The following KCNK2 variants were observed in gnomAD, a reference collection of about 807,000 sequenced individuals.
KCNK2 encodes potassium two pore domain channel subfamily K member 2, also known as potassium channel subfamily K member 2.
A neutral mutation model predicts 40.5 loss-of-function variants in KCNK2; 21 were observed. The ratio of observed to expected loss-of-function variants is 0.52; its 90% confidence interval spans 0.37 to 0.75. KCNK2 has a LOEUF of 0.75. KCNK2 is among the 30% of genes least tolerant of loss of function. KCNK2 has a pLI of 0.00. For missense variants in KCNK2, 399 were observed against 531.6 expected (o/e 0.75, Z 2.45); for synonymous variants, 191 against 202.2 (o/e 0.94, Z 0.47).
intron 6 of KCNK2, among the ~76,000 whole-genome samples, chr1:215,213,889 T>G (rs1250891340): frequency 6.6e-6 from 1 of 152,130 alleles, no homozygotes; most frequent in Non-Finnish European, 1.5e-5. Flanking sequence ...TTGGGTAATG[T>G]CAAAGCTCTA....
At chr1:215,161,772 C>A (rs983982721) in intron 3 of KCNK2, among the ~76,000 whole-genome samples, 1 of 152,118 alleles carries the variant, frequency 6.6e-6, no homozygotes, top group African/African-American at 2.4e-5. Context: ...TTTTTTATGG[C>A]TGCATAGTAT....
chr1:215,114,028 G>A (rs1411221769), intron 2 of KCNK2, among the ~76,000 whole-genome samples: 2 of 152,066 alleles, frequency 1.3e-5, no homozygotes, highest in Non-Finnish European at 2.9e-5. Flanking sequence ...ACTGCATGTT[G>A]CTTTTTTGTG....
In KCNK2 at chr1:215,177,740, A is replaced by ATTT. The variant is rs375712483; in HGVS notation, c.823+5567_823+5569dup. On this transcript the variant is annotated intron_variant, in intron 5 of 6. Transcript: ENST00000444842. The stretch of plus-strand genomic sequence containing the variant: ...TATATGTGTATATATATATATATAT[A>ATTT]TTTTTTTTTTTTGTAGCAGTACCAT... 2.8e-3 allele frequency among the ~76,000 whole-genome samples: 288 copies of ATTT among 101,570 alleles called. 1 individual carries two copies. Among genetic ancestry groups the ATTT allele is most frequent in the African/African-American group, 9.9e-3 (283 of 28,478 alleles). 66.6% of individuals were successfully genotyped at this position (101,570 alleles called of 152,430 possible). A position where few individuals can be genotyped will look rare whatever the true frequency, so the allele number is the denominator to read the frequency against.
At chr1:215,075,403 C>T (rs1370144425) in intron 1 of KCNK2, among the ~76,000 whole-genome samples, 2 of 151,940 alleles carry the variant, frequency 1.3e-5, no homozygotes, top group Non-Finnish European at 2.9e-5. Flanking sequence ...AATTTGAAAC[C>T]CACTCAGGAA....
At chr1:215,093,772 ATATATT>A (rs1254428487) in intron 2 of KCNK2, among the ~76,000 whole-genome samples, 7 of 29,338 alleles carry the variant, frequency 2.4e-4, no homozygotes, top group Non-Finnish European at 4.3e-4. Context: ...ATAATATAAA[ATATATT>A]ATATATTATA....
intron 3 of KCNK2, among the ~76,000 whole-genome samples, chr1:215,164,047 C>A (rs1474557946): frequency 6.6e-6 from 1 of 152,150 alleles, no homozygotes; most frequent in Admixed American, 6.6e-5. Flanking sequence ...TCTGTCTGGT[C>A]CTGGACTTTT....
intron 2 of KCNK2, among the ~76,000 whole-genome samples, chr1:215,117,663 A>G (rs1166727212): frequency 6.6e-6 from 1 of 152,138 alleles, no homozygotes; most frequent in Non-Finnish European, 1.5e-5. Flanking sequence ...TTAACTGAGA[A>G]CTGCTCATGG....
intron 1 of KCNK2, among the ~76,000 whole-genome samples, chr1:215,029,473 A>G (rs1044550430): frequency 7.7e-6 from 1 of 129,214 alleles, no homozygotes; most frequent in Non-Finnish European, 1.7e-5. Context: ...TTAGTGCTGA[A>G]TAATATTGTT....
At chr1:215,104,880 A>G (rs1209661646) in intron 2 of KCNK2, among the ~76,000 whole-genome samples, 3 of 151,996 alleles carry the variant, frequency 2.0e-5, no homozygotes, top group South Asian at 4.1e-4. Flanking sequence ...ATTGTGTTTC[A>G]TCTTACATAT....
intron 2 of KCNK2, among the ~76,000 whole-genome samples, chr1:215,103,831 C>G (rs1482067977): frequency 2.0e-5 from 3 of 151,994 alleles, no homozygotes; most frequent in African/African-American, 7.2e-5. Context: ...GATCCATAGA[C>G]AGCTTGTGTG....
intron 1 of KCNK2, among the ~76,000 whole-genome samples, chr1:215,045,022 A>G (rs928790188): frequency 3.9e-5 from 6 of 152,062 alleles, no homozygotes; most frequent in Non-Finnish European, 8.8e-5. Context: ...AAACAAAAAC[A>G]AAAACAAAAA....
chr1:215,077,825 T>G (rs1326362054), upstream of KCNK2, among the ~76,000 whole-genome samples: 3 of 152,158 alleles, frequency 2.0e-5, no homozygotes, highest in Non-Finnish European at 4.4e-5. Context: ...AATTTTTACA[T>G]CACTTCTTTA....
intron 1 of KCNK2, among the ~76,000 whole-genome samples, chr1:215,007,075 A>G (rs1656173399): frequency 7.7e-6 from 1 of 130,330 alleles, no homozygotes; most frequent in Non-Finnish European, 1.6e-5. Flanking sequence ...GTGTGTGTAT[A>G]TATATATGTG....
intron 2 of KCNK2, among the ~76,000 whole-genome samples, chr1:215,094,009 C>T (rs1659870858): frequency 7.1e-6 from 1 of 140,112 alleles, no homozygotes; most frequent in Non-Finnish European, 1.5e-5. Flanking sequence ...CGGTTTTTGT[C>T]ATTACTTTCA....
Position 215,086,614 on chromosome 1 carries a change from A to G in KCNK2, c.293A>G (p.Gln98Arg), listed in dbSNP as rs1659455334. The change falls in exon 2 of 7, where the codon CAG (glutamine) becomes CGG (arginine). Residue 98 changes from glutamine to arginine, a missense_variant. Gln to Arg is a conservative substitution (Grantham distance 43, BLOSUM62 1). Coordinates refer to ENST00000444842, the MANE Select transcript of KCNK2 (RefSeq NM_001017425.3). ...TCACAGAGGACCACCATTGTGATCCAGAAGCAAACATTCATATCCCAACAT... is the reference window on the plus strand; with the variant it reads ...TCACAGAGGACCACCATTGTGATCCGGAAGCAAACATTCATATCCCAACAT... ...EISQRTTIVI[Q>R]KQTFISQHSC... is the part of the protein sequence containing the mutation. 1 of 1,614,092 alleles carries G rather than the reference A, an allele frequency of 6.2e-7. No individual in the cohort carries two copies. Among genetic ancestry groups the G allele is most frequent in the Admixed American group, 1.7e-5 (1 of 60,012 alleles).
chr1:215,065,157 T>A (rs1277990438), intron 1 of KCNK2, among the ~76,000 whole-genome samples: 1 of 152,216 alleles, frequency 6.6e-6, no homozygotes, highest in Non-Finnish European at 1.5e-5. Flanking sequence ...ATTTTAAAAG[T>A]TTCTTCTAAA....
Position 215,124,665 on chromosome 1 carries a change from A to T in KCNK2, c.390A>T (p.Ile130=). 1 of 1,612,560 alleles carries T rather than the reference A, an allele frequency of 6.2e-7. No homozygotes were observed. The highest frequency in any genetic ancestry group is 8.5e-7 in the Non-Finnish European group (1 of 1,178,652). The change falls in exon 3 of 7, where the codon ATA becomes ATT. Residue 130 remains isoleucine (I), a synonymous_variant. Coordinates refer to ENST00000444842, the MANE Select transcript of KCNK2 (RefSeq NM_001017425.3). ...QIVAAINAGI[I]PLGNTSNQIS... Reference sequence around the variant, plus strand: ...TGGCAGCAATAAATGCAGGGATTATACCGTTAGGAAACACCTCCAATCAAA... The same window carrying T: ...TGGCAGCAATAAATGCAGGGATTATTCCGTTAGGAAACACCTCCAATCAAA...
At chr1:215,210,061 CTA>C (rs1446757012) in intron 6 of KCNK2, among the ~76,000 whole-genome samples, 1 of 58,526 alleles carries the variant, frequency 1.7e-5, no homozygotes, top group Admixed American at 2.5e-4. Context: ...TATACACACA[CTA>C]TACAAATACA....
At chr1:215,025,364 G>T (rs1656967519) in intron 1 of KCNK2, among the ~76,000 whole-genome samples, 1 of 151,812 alleles carries the variant, frequency 6.6e-6, no homozygotes. Context: ...TTATTATAAG[G>T]CTTTCTTTTC....
Sources: gnomAD v4.1 joint callset for allele counts (sites outside exome capture counted in the v4.1 genomes callset) on GRCh38, gnomAD v4.1.1 for gene constraint, MANE v1.5 for transcripts, NCBI Gene and HGNC (gene_info 2026-07-23, HGNC 2026-07-21) for gene names.